GPC5: variants seen among roughly 807,000 people sequenced by gnomAD.
GPC5 encodes the protein glypican 5.
In GPC5, 47 loss-of-function variants were observed where a neutral mutation model predicts 53.9. That is an observed-to-expected ratio of 0.87 (90% CI 0.69 to 1.11). GPC5 has a LOEUF of 1.11. Ranked by LOEUF, GPC5 falls within the 50% of genes most tolerant of loss-of-function variation. The probability of loss-of-function intolerance (pLI) is 0.00; values close to 1 mark genes in which losing one functional copy is unlikely to be tolerated. For missense variants in GPC5, 748 were observed against 713.1 expected (o/e 1.05, Z -0.56); for synonymous variants, 286 against 263.3 (o/e 1.09, Z -0.84).
chr13:92,056,019 A>G (rs2041071422), intron 6 of GPC5, among the ~76,000 whole-genome samples: 1 of 152,178 alleles, frequency 6.6e-6, no homozygotes, highest in Non-Finnish European at 1.5e-5. Flanking sequence ...AAATAATCAT[A>G]AACTTCTTTT....
intron 2 of GPC5, among the ~76,000 whole-genome samples, chr13:91,503,345 T>C (rs1353093414): frequency 2.0e-5 from 3 of 152,166 alleles, no homozygotes; most frequent in Non-Finnish European, 4.4e-5. Context: ...AATTTATTAA[T>C]AATAATAAAG....
intron 7 of GPC5, among the ~76,000 whole-genome samples, chr13:92,748,188 C>G (rs567317453): frequency 2.3e-4 from 35 of 151,980 alleles, no homozygotes; most frequent in African/African-American, 8.0e-4. Flanking sequence ...GAGTTTAAAT[C>G]ATGGAGTATG....
At chr13:92,594,130 A>G (rs1594331267) in intron 7 of GPC5, among the ~76,000 whole-genome samples, 1 of 152,200 alleles carries the variant, frequency 6.6e-6, no homozygotes. Flanking sequence ...CCAGAAAGAT[A>G]TAATTCTATT....
chr13:92,664,841 C>G (rs776228785), intron 7 of GPC5, among the ~76,000 whole-genome samples: 8 of 151,990 alleles, frequency 5.3e-5, no homozygotes, highest in African/African-American at 1.9e-4. Flanking sequence ...CACTAAGAAT[C>G]AATCTAGATG....
At chr13:92,056,931 A>G (rs1481588921) in intron 6 of GPC5, among the ~76,000 whole-genome samples, 1 of 152,212 alleles carries the variant, frequency 6.6e-6, no homozygotes, top group African/African-American at 2.4e-5. Context: ...CAGTTACCTA[A>G]TAGAAACAGA....
chr13:92,276,093 G>C (rs2042873237), intron 7 of GPC5, among the ~76,000 whole-genome samples: 1 of 152,062 alleles, frequency 6.6e-6, no homozygotes, highest in Non-Finnish European at 1.5e-5. Flanking sequence ...AAGAAAGAAC[G>C]GACCCATATG....
chr13:91,885,512 T>G (rs530550858), intron 5 of GPC5, among the ~76,000 whole-genome samples: 1 of 152,350 alleles, frequency 6.6e-6, no homozygotes, highest in African/African-American at 2.4e-5. Flanking sequence ...GTTTCAGATC[T>G]CATTGCCCTT....
intron 7 of GPC5, among the ~76,000 whole-genome samples, chr13:92,299,724 G>T (rs2043062315): frequency 1.3e-5 from 2 of 152,136 alleles, no homozygotes; most frequent in African/African-American, 4.8e-5. Context: ...ACCATGTGTT[G>T]TCATCCTATG....
At chr13:92,203,512 A>G (rs1243615022) in intron 7 of GPC5, among the ~76,000 whole-genome samples, 1 of 131,050 alleles carries the variant, frequency 7.6e-6, no homozygotes, top group East Asian at 2.2e-4. Context: ...GGGGAGGGAT[A>G]GCATTGGGAG....
intron 7 of GPC5, among the ~76,000 whole-genome samples, chr13:92,811,535 T>C (rs1192041823): frequency 2.3e-4 from 35 of 151,998 alleles, no homozygotes; most frequent in Admixed American, 2.2e-3. Flanking sequence ...TATCAGATAT[T>C]AGATTTACAG....
chr13:91,428,877 A>G (rs189826743), intron 1 of GPC5, among the ~76,000 whole-genome samples: 1 of 152,096 alleles, frequency 6.6e-6, no homozygotes, highest in East Asian at 1.9e-4. Context: ...TACTTATAGT[A>G]TATTTAAAAA....
intron 7 of GPC5, among the ~76,000 whole-genome samples, chr13:92,267,162 T>C (rs2042808199): frequency 6.6e-6 from 1 of 152,134 alleles, no homozygotes; most frequent in Admixed American, 6.6e-5. Context: ...TAAAAACAAC[T>C]AATCAAACAT....
intron 2 of GPC5, among the ~76,000 whole-genome samples, chr13:91,598,204 C>G (rs1245584536): frequency 6.6e-6 from 1 of 152,084 alleles, no homozygotes; most frequent in Admixed American, 6.6e-5. Flanking sequence ...AAGGCTGTTG[C>G]TCTTCTAGTG....
At chr13:92,165,153 G>A (rs1566464746) in intron 7 of GPC5, among the ~76,000 whole-genome samples, 1 of 152,108 alleles carries the variant, frequency 6.6e-6, no homozygotes, top group African/African-American at 2.4e-5. Context: ...TTAACATTTG[G>A]CTACTCATTA....
chr13:92,146,890 G>C (rs2041871328), intron 7 of GPC5, among the ~76,000 whole-genome samples: 1 of 151,794 alleles, frequency 6.6e-6, no homozygotes, highest in Non-Finnish European at 1.5e-5. Context: ...ATATACCACA[G>C]TTTCTTTATC....
At chr13:91,527,542 G>A (rs1886144693) in intron 2 of GPC5, among the ~76,000 whole-genome samples, 1 of 152,210 alleles carries the variant, frequency 6.6e-6, no homozygotes, top group African/African-American at 2.4e-5. Context: ...CCAGGCTCAT[G>A]GGGTAAGCTG....
intron 6 of GPC5, among the ~76,000 whole-genome samples, chr13:92,128,050 A>C (rs1319719927): frequency 6.6e-6 from 1 of 152,112 alleles, no homozygotes; most frequent in Non-Finnish European, 1.5e-5. Flanking sequence ...TGTTTCTGAG[A>C]TCAATCTTCC....
chr13:91,975,913 C>T (rs531151818), intron 6 of GPC5, among the ~76,000 whole-genome samples: 2 of 152,284 alleles, frequency 1.3e-5, no homozygotes, highest in South Asian at 4.1e-4. Context: ...AAATGTGGCA[C>T]ATATACACCA....
chr13:92,022,828 T>G (rs1284047310), intron 6 of GPC5, among the ~76,000 whole-genome samples: 1 of 151,998 alleles, frequency 6.6e-6, no homozygotes, highest in Non-Finnish European at 1.5e-5. Context: ...TAAGGGGAAA[T>G]GAGGTCTTAA....
Sources: allele counts gnomAD v4.1 joint callset (sites outside exome capture counted in the v4.1 genomes callset), GRCh38; gene constraint gnomAD v4.1.1; transcripts MANE v1.5; gene names NCBI Gene and HGNC (gene_info 2026-07-23, HGNC 2026-07-21).